Variants in SIRT1 observed in about 807,000 individuals in gnomAD.
SIRT1 encodes NAD-dependent protein deacetylase sirtuin-1.
Under a neutral mutation model 67.9 loss-of-function variants are expected in SIRT1, and 24 were observed. The observed-to-expected ratio is 0.35, with a 90% CI of 0.26 to 0.50. The LOEUF is 0.50. SIRT1 is among the 20% of genes least tolerant of loss of function. The probability of loss-of-function intolerance (pLI) is 0.98; values close to 1 mark genes in which losing one functional copy is unlikely to be tolerated. For synonymous variants in SIRT1, 378 were observed against 350.7 expected (o/e 1.08, Z -0.87); for missense variants, 873 against 937.2 (o/e 0.93, Z 0.89).
At chr10:67,885,305 G>C in intron 1 of SIRT1, 154 bp downstream of exon 1, 1 of 1,240,924 alleles carries the variant, frequency 8.1e-7, no homozygotes, top group Non-Finnish European at 1.0e-6. Context: ...GCTCCTCCGG[G>C]GCTGCGGTTC....
chr10:67,887,821 C>T (rs1366633813), intron 2 of SIRT1, among the ~76,000 whole-genome samples: 5 of 152,246 alleles, frequency 3.3e-5, no homozygotes, highest in Admixed American at 2.6e-4. Flanking sequence ...GGTGATCCGT[C>T]CGCCTGGGCC....
intron 4 of SIRT1, among the ~76,000 whole-genome samples, chr10:67,893,026 AT>A (rs1842597866): frequency 6.6e-6 from 1 of 152,222 alleles, no homozygotes; most frequent in Non-Finnish European, 1.5e-5. Flanking sequence ...TTCTCAAGAG[AT>A]TGAGTCATTA....
Position 67,894,776 on chromosome 10 carries a change from C to T in SIRT1, c.942+3222C>T, listed in dbSNP as rs965516196. The stretch of plus-strand genomic sequence containing the variant: ...CCAGGCTGTAGTGCATTGGCGCGAT[C>T]TCGGCTCACTGCATCCTCCACCTCC... On this transcript the variant is annotated intron_variant, in intron 4 of 8. Transcript: ENST00000212015. Among the ~76,000 whole-genome samples the T allele has an allele frequency of 4.2e-4, 64 of 152,118 alleles. 4 individuals are homozygous for T. The highest frequency in any genetic ancestry group is 2.9e-5 in the Non-Finnish European group (2 of 68,032).
chr10:67,886,771 T>C (rs1842488846), intron 1 of SIRT1, among the ~76,000 whole-genome samples: 1 of 152,130 alleles, frequency 6.6e-6, no homozygotes, highest in African/African-American at 2.4e-5. Flanking sequence ...TTGAATGACG[T>C]TTTTATGTAA....
chr10:67,916,156 A>G (rs2029905216), intron 8 of SIRT1, 109 bp from the exon 9 acceptor site: 3 of 962,134 alleles, frequency 3.1e-6, no homozygotes, highest in East Asian at 5.1e-5. Context: ...AGTCTTTCAT[A>G]AGGACACTTA....
intron 4 of SIRT1, among the ~76,000 whole-genome samples, chr10:67,904,123 G>GTTTTTTTTTTTTTTTTTTTTT (rs1262495636): frequency 1.7e-5 from 2 of 115,450 alleles, no homozygotes; most frequent in Non-Finnish European, 3.6e-5. Flanking sequence ...AGTTTTTTTT[G>GTTTTTTTTTTTTTTTTTTTTT]TTTGTTTTTT....
Position 67,884,902 on chromosome 10 carries a change from C to CCGGCGGCGGCCAGGGGCTGCCCGGGTG in SIRT1, c.192_218dup (p.Arg65_Ala73dup), listed in dbSNP as rs1221978380. On this transcript the variant is annotated inframe_insertion, in exon 1 of 9. Transcript: ENST00000212015. The stretch of plus-strand genomic sequence containing the variant: ...TGGGGCGGCCCCAGAGCGTGAGGTG[C>CCGGCGGCGGCCAGGGGCTGCCCGGGTG]CGGCGGCGGCCAGGGGCTGCCCGGG... 1.2e-5 allele frequency: 15 copies of CCGGCGGCGGCCAGGGGCTGCCCGGGTG among 1,219,938 alleles called. No homozygotes were observed. The highest frequency in any genetic ancestry group is 1.5e-5 in the Non-Finnish European group (15 of 980,304). 75.6% of individuals were successfully genotyped at this position (1,219,938 alleles called of 1,614,324 possible).
chr10:67,899,770 T>A (rs1186773150), intron 4 of SIRT1, among the ~76,000 whole-genome samples: 2 of 152,092 alleles, frequency 1.3e-5, no homozygotes, highest in African/African-American at 4.8e-5. Flanking sequence ...GGGTTGTTTT[T>A]AAGGCAGTTT....
intron 5 of SIRT1, 39 bp from the exon 6 acceptor site, chr10:67,908,007 A>G: frequency 6.6e-7 from 1 of 1,522,396 alleles, no homozygotes; most frequent in Non-Finnish European, 9.1e-7. Context: ...AAACAGAAAT[A>G]CTTCTTTAAT....
chr10:67,906,638 T>C, intron 4 of SIRT1, 152 bp from the exon 5 acceptor site: 1 of 752,086 alleles, frequency 1.3e-6, no homozygotes, highest in Non-Finnish European at 2.1e-6. Flanking sequence ...CTTTTGTAGG[T>C]GTGTGTCGCA....
Position 67,891,507 on chromosome 10 carries a change from A to G in SIRT1, c.895A>G (p.Ile299Val). ...DLPDPQAMFDIEYFRKDPRPF... is the reference protein window; with the variant it reads ...DLPDPQAMFDVEYFRKDPRPF... The stretch of plus-strand genomic sequence containing the variant: ...TCCAGATCCTCAAGCGATGTTTGAT[A>G]TTGAATATTTCAGAAAAGATCCAAG... Residue 299 changes from isoleucine (I) to valine (V), a missense_variant, in exon 4 of 9, where the codon ATT becomes GTT. By Grantham distance (29) the Ile-to-Val change is conservative (BLOSUM62 3). Coordinates refer to ENST00000212015, the MANE Select transcript of SIRT1 (RefSeq NM_012238.5). 1 of 1,614,150 alleles carries G rather than the reference A, an allele frequency of 6.2e-7. No individual in the cohort carries two copies. The highest frequency in any genetic ancestry group is 8.5e-7 in the Non-Finnish European group (1 of 1,180,000).
At chr10:67,899,416 T>C (rs1485854237) in intron 4 of SIRT1, among the ~76,000 whole-genome samples, 1 of 151,892 alleles carries the variant, frequency 6.6e-6, no homozygotes, top group African/African-American at 2.4e-5. Flanking sequence ...CTATATATAG[T>C]TTGCCCCTTC....
At position 67,885,031 on chromosome 10, in the gene SIRT1, G is replaced by A; in HGVS notation, c.310G>A (p.Gly104Arg). The part of the protein sequence containing the change: ...ATAAAGEGDN[G>R]PGLQGPSREP... Reference sequence around the variant, plus strand: ...TGCGGCGGCTGGGGAAGGAGACAATGGGCCGGGCCTGCAGGGCCCATCTCG... The same window carrying A: ...TGCGGCGGCTGGGGAAGGAGACAATAGGCCGGGCCTGCAGGGCCCATCTCG... Residue 104 changes from glycine (G) to arginine (R), a missense_variant, in exon 1 of 9, where the codon GGG becomes AGG. This residue lies in a region of SIRT1 where 327 missense variants were observed against 283.9 expected (regional missense o/e 1.15). Coordinates refer to ENST00000212015, the MANE Select transcript of SIRT1 (RefSeq NM_012238.5). 1 of 1,360,668 alleles carries A rather than the reference G, an allele frequency of 7.3e-7. No individual in the cohort carries two copies. Among genetic ancestry groups the A allele is most frequent in the Admixed American group, 3.5e-5 (1 of 28,570 alleles). The allele number at this position is 1,360,668 out of a possible 1,614,324, so 84.3% of individuals were successfully genotyped here.
intron 1 of SIRT1, among the ~76,000 whole-genome samples, chr10:67,886,278 G>C (rs1474016851): frequency 6.6e-6 from 1 of 150,582 alleles, no homozygotes; most frequent in African/African-American, 2.4e-5. Flanking sequence ...TTCTATCCTT[G>C]ATAGGTGTTC....
chr10:67,903,198 G>T (rs1842769123), intron 4 of SIRT1, among the ~76,000 whole-genome samples: 1 of 152,110 alleles, frequency 6.6e-6, no homozygotes, highest in African/African-American at 2.4e-5. Flanking sequence ...AGACTCAAGT[G>T]ATTCTCCCTC....
intron 4 of SIRT1, 79 bp from the exon 5 acceptor site, chr10:67,906,710 TC>T (rs1428088527): frequency 7.5e-7 from 1 of 1,325,656 alleles, no homozygotes; most frequent in Non-Finnish European, 1.1e-6. Flanking sequence ...TGTGGGATTA[TC>T]AGTATTTTTT....
chr10:67,902,164 T>C (rs1842755015), intron 4 of SIRT1, among the ~76,000 whole-genome samples: 1 of 151,986 alleles, frequency 6.6e-6, no homozygotes. Context: ...AGTTATTGTA[T>C]TTTTAGTAAA....
intron 4 of SIRT1, among the ~76,000 whole-genome samples, chr10:67,898,273 A>G (rs1842690315): frequency 6.6e-6 from 1 of 150,668 alleles, no homozygotes; most frequent in Non-Finnish European, 1.5e-5. Flanking sequence ...AAAAAAAAAA[A>G]GAAAAGAAAA....
intron 4 of SIRT1, among the ~76,000 whole-genome samples, chr10:67,896,322 C>A (rs1402550605): frequency 6.6e-6 from 1 of 152,044 alleles, no homozygotes; most frequent in Non-Finnish European, 1.5e-5. Context: ...TTTCTTTTTT[C>A]TTTGTAGAGT....
Sources: allele counts gnomAD v4.1 joint callset (sites outside exome capture counted in the v4.1 genomes callset), GRCh38; gene constraint gnomAD v4.1.1; regional missense constraint gnomAD v4.1.1; transcripts MANE v1.5; gene names NCBI Gene and HGNC (gene_info 2026-07-23, HGNC 2026-07-21).